Variants in TNS3 observed in about 807,000 individuals in gnomAD.
The protein encoded by TNS3 is tensin-3.
A neutral mutation model predicts 140.9 loss-of-function variants in TNS3; 45 were observed. That is an observed-to-expected ratio of 0.32 (90% CI 0.25 to 0.41). TNS3 has a LOEUF of 0.41. Among genes scored for constraint, TNS3 ranks in the 10% least tolerant of loss-of-function variants. The pLI is 1.00. For synonymous variants in TNS3, 815 were observed against 788.4 expected (o/e 1.03, Z -0.56); for missense variants, 1,716 against 1,906.7 (o/e 0.90, Z 1.86).
intron 20 of TNS3, among the ~76,000 whole-genome samples, chr7:47,317,503 T>C (rs1210323251): frequency 6.6e-6 from 1 of 152,222 alleles, no homozygotes; most frequent in Non-Finnish European, 1.5e-5. Flanking sequence ...AATTCTAATG[T>C]TGAAACAGTG....
chr7:47,386,263 T>TCC (rs927479837), intron 16 of TNS3, among the ~76,000 whole-genome samples: 1 of 152,058 alleles, frequency 6.6e-6, no homozygotes, highest in African/African-American at 2.4e-5. Context: ...CTGGAGGGGG[T>TCC]CCCCCCACAT....
chr7:47,396,478 G>T, intron 16 of TNS3: 1 of 307,726 alleles, frequency 3.2e-6, no homozygotes, highest in Non-Finnish European at 6.1e-6. Flanking sequence ...CAAAACGGAA[G>T]GGACGGAAGA....
intron 16 of TNS3, among the ~76,000 whole-genome samples, chr7:47,392,729 G>A (rs1792600633): frequency 6.6e-6 from 1 of 152,250 alleles, no homozygotes; most frequent in Admixed American, 6.5e-5. Context: ...ACTGCCTGGA[G>A]TAATAGCTCA....
chr7:47,510,225 C>T (rs1002158954), intron 2 of TNS3, among the ~76,000 whole-genome samples: 1 of 152,202 alleles, frequency 6.6e-6, no homozygotes, highest in African/African-American at 2.4e-5. Flanking sequence ...CTGATCACCA[C>T]TTAGGGATTC....
chr7:47,310,269 C>T (rs2150761271), intron 20 of TNS3, among the ~76,000 whole-genome samples: 1 of 152,264 alleles, frequency 6.6e-6, no homozygotes, highest in South Asian at 2.1e-4. Context: ...TGCTACGAAT[C>T]TAAAAAAGAT....
chr7:47,325,741 G>C (rs1312958271), intron 20 of TNS3, among the ~76,000 whole-genome samples: 4 of 152,158 alleles, frequency 2.6e-5, no homozygotes, highest in Non-Finnish European at 4.4e-5. Context: ...AGGACTTCGA[G>C]CCATCCCAGA....
At chr7:47,527,528 C>A (rs1799241838) in intron 2 of TNS3, among the ~76,000 whole-genome samples, 1 of 152,162 alleles carries the variant, frequency 6.6e-6, no homozygotes, top group Non-Finnish European at 1.5e-5. Context: ...GCTGACATGG[C>A]CCTCCTGAAC....
intron 17 of TNS3, among the ~76,000 whole-genome samples, chr7:47,348,193 A>G (rs189404563): frequency 3.2e-4 from 49 of 152,348 alleles, no homozygotes; most frequent in Non-Finnish European, 5.6e-4. Flanking sequence ...TCAGACGTGG[A>G]GTTTGTTCCT....
chr7:47,308,707 C>G (rs1467552962), intron 20 of TNS3, among the ~76,000 whole-genome samples: 1 of 152,200 alleles, frequency 6.6e-6, no homozygotes, highest in African/African-American at 2.4e-5. Context: ...TTATCCCCCA[C>G]TACTGGGCAA....
chr7:47,553,625 A>C (rs191847357), intron 1 of TNS3, among the ~76,000 whole-genome samples: 3,420 of 152,254 alleles, frequency 0.022, 130 homozygotes, highest in African/African-American at 0.078. Flanking sequence ...TACTGCTCAG[A>C]AAAAAAGAGA....
At chr7:47,392,183 C>G (rs1364122867) in intron 16 of TNS3, among the ~76,000 whole-genome samples, 1 of 136,164 alleles carries the variant, frequency 7.3e-6, no homozygotes, top group Non-Finnish European at 1.8e-5. Flanking sequence ...ACACGACTGC[C>G]GTCCCCCGCA....
At chr7:47,401,304 G>A (rs1793150737) in intron 13 of TNS3, among the ~76,000 whole-genome samples, 1 of 152,154 alleles carries the variant, frequency 6.6e-6, no homozygotes. Context: ...CTTTTTTCTA[G>A]ACTTTAACAA....
intron 1 of TNS3, among the ~76,000 whole-genome samples, chr7:47,535,766 G>A (rs908446659): frequency 6.6e-5 from 10 of 152,228 alleles, no homozygotes; most frequent in Non-Finnish European, 1.2e-4. Context: ...CCACATGAAT[G>A]CTCCACTCTG....
chr7:47,555,266 T>G (rs964936493), intron 1 of TNS3, among the ~76,000 whole-genome samples: 1 of 151,532 alleles, frequency 6.6e-6, no homozygotes, highest in African/African-American at 2.4e-5. Flanking sequence ...CCGGGTGTGG[T>G]GGCAGGCGCC....
Position 47,333,850 on chromosome 7 carries a change from C to T in TNS3, c.2650+10905G>A, listed in dbSNP as rs577890345. ...TGAATTAAAAAACTAAATTTTAAGA[C>T]AAATTTTTGTTACACTAGCATATTC... On this transcript the variant is annotated intron_variant, in intron 20 of 30. Transcript: ENST00000311160. Among the ~76,000 whole-genome samples, 98 of 152,288 alleles carry T rather than the reference C, an allele frequency of 6.4e-4. No individual in the cohort carries two copies. In the Middle Eastern group the frequency reaches 0.017, roughly 26 times the overall value.
chr7:47,424,296 G>GCTT, intron 9 of TNS3, 112 bp from the exon 10 acceptor site: 1 of 979,564 alleles, frequency 1.0e-6, no homozygotes, highest in East Asian at 2.5e-5. Flanking sequence ...CCCACAAGGG[G>GCTT]CTTCACCCTT....
chr7:47,335,227 G>T (rs558552512), intron 20 of TNS3, among the ~76,000 whole-genome samples: 1 of 152,082 alleles, frequency 6.6e-6, no homozygotes, highest in Admixed American at 6.5e-5. Flanking sequence ...TTCAACAGAC[G>T]GACGATGGCG....
At chr7:47,295,716 C>A (rs1404595519) in intron 24 of TNS3, among the ~76,000 whole-genome samples, 1 of 152,184 alleles carries the variant, frequency 6.6e-6, no homozygotes, top group African/African-American at 2.4e-5. Context: ...ACCCCTTCCA[C>A]TCTCACACCA....
chr7:47,293,709 A>T, intron 25 of TNS3, 24 bp downstream of exon 25: 4 of 1,608,982 alleles, frequency 2.5e-6, no homozygotes, highest in Non-Finnish European at 3.4e-6. Flanking sequence ...CAGAACATTG[A>T]CAGCAACCTC....
Sources: gnomAD v4.1 joint callset for allele counts (sites outside exome capture counted in the v4.1 genomes callset) on GRCh38, gnomAD v4.1.1 for gene constraint, MANE v1.5 for transcripts, NCBI Gene and HGNC (gene_info 2026-07-23, HGNC 2026-07-21) for gene names.